The following CAMK1D variants were observed in gnomAD, a reference collection of about 807,000 sequenced individuals.
The protein encoded by CAMK1D is calcium/calmodulin dependent protein kinase ID.
In CAMK1D, 9 loss-of-function variants were observed where a neutral mutation model predicts 47.7. That is an observed-to-expected ratio of 0.19 (90% CI 0.11 to 0.33). The LOEUF (loss-of-function observed/expected upper bound fraction) is 0.33, where lower values mean the gene tolerates loss of function less well. Ranked by LOEUF, CAMK1D falls within the 10% of genes least tolerant of loss-of-function variation. CAMK1D has a pLI of 1.00. For missense variants in CAMK1D, 291 were observed against 488.7 expected (o/e 0.60, Z 3.81); for synonymous variants, 184 against 184.9 (o/e 0.99, Z 0.04).
intron 2 of CAMK1D, among the ~76,000 whole-genome samples, chr10:12,654,690 A>G (rs1307250623): frequency 6.6e-6 from 1 of 152,202 alleles, no homozygotes; most frequent in African/African-American, 2.4e-5. Flanking sequence ...TTAAATCTTT[A>G]TCCTTAGGAC....
chr10:12,386,638 G>A (rs1292407426), intron 1 of CAMK1D, among the ~76,000 whole-genome samples: 1 of 152,148 alleles, frequency 6.6e-6, no homozygotes, highest in Admixed American at 6.6e-5. Flanking sequence ...CAAATAATAT[G>A]ATCCCAATTT....
chr10:12,812,165 G>A (rs1832632710), intron 6 of CAMK1D, among the ~76,000 whole-genome samples: 1 of 152,234 alleles, frequency 6.6e-6, no homozygotes, highest in African/African-American at 2.4e-5. Context: ...TTTCTAACCT[G>A]TATTGCATTT....
At chr10:12,598,510 C>G (rs1000506097) in intron 2 of CAMK1D, among the ~76,000 whole-genome samples, 4 of 152,168 alleles carry the variant, frequency 2.6e-5, no homozygotes, top group African/African-American at 4.8e-5. Context: ...GTCTCATTTT[C>G]AAAGGAAAAT....
At chr10:12,722,446 CAAAAA>C (rs55809900) in intron 3 of CAMK1D, among the ~76,000 whole-genome samples, 2,209 of 48,422 alleles carry the variant, frequency 0.046, 13 homozygotes, top group South Asian at 0.087. Context: ...GACTCCGCCT[CAAAAA>C]AAAAAAAAAA....
At chr10:12,702,276 C>T (rs11257943) in intron 3 of CAMK1D, among the ~76,000 whole-genome samples, 7,264 of 152,198 alleles carry the variant, frequency 0.048, 545 homozygotes, top group African/African-American at 0.16. Context: ...AGGTCAACCT[C>T]GAGGAGGTGA....
intron 1 of CAMK1D, among the ~76,000 whole-genome samples, chr10:12,534,586 C>T (rs1183354599): frequency 1.3e-5 from 2 of 152,170 alleles, no homozygotes; most frequent in South Asian, 2.1e-4. Flanking sequence ...AGACTGGTCT[C>T]GAACTCTTGA....
chr10:12,727,059 C>T (rs1257524151), intron 3 of CAMK1D, among the ~76,000 whole-genome samples: 7 of 152,232 alleles, frequency 4.6e-5, no homozygotes, highest in Admixed American at 4.6e-4. Flanking sequence ...CAGCCCAGGG[C>T]CTGTGTAGCA....
intron 2 of CAMK1D, among the ~76,000 whole-genome samples, chr10:12,581,804 A>G (rs1009134839): frequency 6.6e-6 from 1 of 152,158 alleles, no homozygotes; most frequent in East Asian, 1.9e-4. Context: ...TGTAAGATGT[A>G]TAGATGGTGA....
chr10:12,793,847 A>G (rs956494727), intron 6 of CAMK1D, among the ~76,000 whole-genome samples: 7 of 152,378 alleles, frequency 4.6e-5, no homozygotes, highest in Middle Eastern at 3.4e-3. Flanking sequence ...CACGTTTACC[A>G]TGGACTGTAG....
chr10:12,457,523 C>T (rs113662060), intron 1 of CAMK1D, among the ~76,000 whole-genome samples: 4,417 of 152,168 alleles, frequency 0.029, 92 homozygotes, highest in Non-Finnish European at 0.042. Context: ...CGCAGTGGCT[C>T]ACACCTATAA....
intron 2 of CAMK1D, among the ~76,000 whole-genome samples, chr10:12,608,291 A>C (rs1838522495): frequency 6.6e-6 from 1 of 152,098 alleles, no homozygotes; most frequent in South Asian, 2.1e-4. Flanking sequence ...GGTAGCGCAC[A>C]CCTGTAATCT....
In CAMK1D at chr10:12,426,158, G is replaced by C. The variant is rs572124050; in HGVS notation, c.92+76248G>C. On this transcript the variant is annotated intron_variant, in intron 1 of 10. Transcript: ENST00000619168. ...GGGCCATGCAGTATTTAGGCTTGAC[G>C]TGGAGTCAGCCCTGGTAATGGGAAG... Among the ~76,000 whole-genome samples, 4 of 152,296 alleles carry C rather than the reference G, an allele frequency of 2.6e-5. No individual in the cohort carries two copies. The South Asian group carries it at 8.3e-4, about 32-fold the overall frequency.
At chr10:12,725,461 T>TA in intron 3 of CAMK1D, 1 of 154,722 alleles carries the variant, frequency 6.5e-6, no homozygotes, top group East Asian at 1.9e-4. Context: ...CAAGAGAGAG[T>TA]AAAGTGCATT....
chr10:12,746,699 C>T (rs1171487190), intron 3 of CAMK1D, among the ~76,000 whole-genome samples: 2 of 152,162 alleles, frequency 1.3e-5, no homozygotes, highest in Non-Finnish European at 2.9e-5. Context: ...AGGAAAGGAG[C>T]GTTTCACAGG....
At chr10:12,482,818 G>A (rs1028467016) in intron 1 of CAMK1D, among the ~76,000 whole-genome samples, 3 of 152,150 alleles carry the variant, frequency 2.0e-5, no homozygotes, top group African/African-American at 4.8e-5. Context: ...ATGTCACGAC[G>A]GTGCTGGAGA....
At chr10:12,376,509 C>T (rs1029056047) in intron 1 of CAMK1D, among the ~76,000 whole-genome samples, 8 of 152,106 alleles carry the variant, frequency 5.3e-5, no homozygotes, top group African/African-American at 1.4e-4. Context: ...CAGGGAGTGC[C>T]GCCAGGGGCA....
chr10:12,677,628 T>C (rs1433406738), intron 3 of CAMK1D, among the ~76,000 whole-genome samples: 2 of 151,912 alleles, frequency 1.3e-5, no homozygotes, highest in Non-Finnish European at 2.9e-5. Flanking sequence ...GTAGCTGGGC[T>C]CCAGGCAGAA....
At chr10:12,522,757 C>T (rs1835465017) in intron 1 of CAMK1D, among the ~76,000 whole-genome samples, 1 of 151,484 alleles carries the variant, frequency 6.6e-6, no homozygotes. Flanking sequence ...GGGCTCCTCA[C>T]TTCCCAGAAG....
intron 1 of CAMK1D, among the ~76,000 whole-genome samples, chr10:12,523,538 C>G (rs1041377948): frequency 2.0e-5 from 3 of 151,914 alleles, no homozygotes; most frequent in Non-Finnish European, 4.4e-5. Context: ...CAGTTAGGAG[C>G]TGGAGACCAG....
Sources: gnomAD v4.1 joint callset for allele counts (sites outside exome capture counted in the v4.1 genomes callset) on GRCh38, gnomAD v4.1.1 for gene constraint, MANE v1.5 for transcripts, NCBI Gene and HGNC (gene_info 2026-07-23, HGNC 2026-07-21) for gene names.